The following C12orf54 variants were observed in gnomAD, a reference collection of about 807,000 sequenced individuals.
The protein encoded by C12orf54 is uncharacterized protein C12orf54.
Under a neutral mutation model 26.4 loss-of-function variants are expected in C12orf54, and 24 were observed. The observed-to-expected ratio is 0.91, with a 90% CI of 0.66 to 1.28. The LOEUF is 1.28. Among genes scored for constraint, C12orf54 ranks in the 50% most tolerant of loss-of-function variants. The probability of loss-of-function intolerance (pLI) is 0.00; values close to 1 mark genes in which losing one functional copy is unlikely to be tolerated. For synonymous variants in C12orf54, 54 were observed against 47.0 expected (o/e 1.15, Z -0.61); for missense variants, 154 against 150.9 (o/e 1.02, Z -0.11).
the C12orf54 span, chr12:48,473,565 G>T: frequency 3.2e-6 from 1 of 311,814 alleles, no homozygotes; most frequent in Non-Finnish European, 6.3e-6. Flanking sequence ...ACTGGGGGTT[G>T]TGAGGGAAGG....
At chr12:48,443,362 C>A in the C12orf54 span, among the ~76,000 whole-genome samples, 1 of 152,226 alleles carries the variant, frequency 6.6e-6, no homozygotes, top group South Asian at 2.1e-4. Flanking sequence ...TAGGTGGGAG[C>A]ATGTTTGCTT....
At chr12:48,490,338 A>G (rs1286480260) in intron 5 of C12orf54, among the ~76,000 whole-genome samples, 2 of 152,196 alleles carry the variant, frequency 1.3e-5, no homozygotes, top group African/African-American at 4.8e-5. Context: ...AACAATACAA[A>G]CTGTGCTTTT....
chr12:48,434,523 G>A, the C12orf54 span, among the ~76,000 whole-genome samples: 2 of 152,180 alleles, frequency 1.3e-5, no homozygotes, highest in Non-Finnish European at 2.9e-5. Context: ...AGTAGGAGGG[G>A]ACTGACACCT....
the C12orf54 span, among the ~76,000 whole-genome samples, chr12:48,477,079 A>G: frequency 6.6e-6 from 1 of 152,256 alleles, no homozygotes; most frequent in Non-Finnish European, 1.5e-5. Context: ...ACTAGAACTC[A>G]GGATTAAGAA....
chr12:48,464,188 G>T, the C12orf54 span, among the ~76,000 whole-genome samples: 1 of 151,850 alleles, frequency 6.6e-6, no homozygotes. Context: ...CTATAGTCTT[G>T]GCCCAAAAGC....
chr12:48,425,650 A>G, the C12orf54 span, among the ~76,000 whole-genome samples: 1 of 152,298 alleles, frequency 6.6e-6, no homozygotes, highest in East Asian at 1.9e-4. Flanking sequence ...AGGAATCACC[A>G]CACTGCTTAC....
the C12orf54 span, among the ~76,000 whole-genome samples, chr12:48,467,352 G>C: frequency 1.3e-5 from 2 of 152,202 alleles, no homozygotes; most frequent in Non-Finnish European, 1.5e-5. Context: ...CAACAGAACT[G>C]TGAGGGAATA....
At chr12:48,422,372 A>G in the C12orf54 span, among the ~76,000 whole-genome samples, 1 of 152,196 alleles carries the variant, frequency 6.6e-6, no homozygotes, top group African/African-American at 2.4e-5. Context: ...CTTAAGAACC[A>G]TTTCTTTCCA....
the C12orf54 span, among the ~76,000 whole-genome samples, chr12:48,422,305 C>T: frequency 6.6e-6 from 1 of 152,196 alleles, no homozygotes; most frequent in Non-Finnish European, 1.5e-5. Context: ...ATTGTAAAAA[C>T]ACCTGCTGGA....
chr12:48,414,443 G>A, the C12orf54 span, among the ~76,000 whole-genome samples: 1 of 152,338 alleles, frequency 6.6e-6, no homozygotes, highest in East Asian at 1.9e-4. Context: ...CATGTGTTTA[G>A]TTTTGGATAA....
intron 4 of C12orf54, among the ~76,000 whole-genome samples, chr12:48,487,414 T>C (rs1937675465): frequency 6.6e-6 from 1 of 152,224 alleles, no homozygotes; most frequent in Non-Finnish European, 1.5e-5. Flanking sequence ...CAGCCCCCAC[T>C]GTACAATATT....
the C12orf54 span, among the ~76,000 whole-genome samples, chr12:48,471,885 CA>C: frequency 6.6e-6 from 1 of 152,024 alleles, no homozygotes; most frequent in African/African-American, 2.4e-5. Flanking sequence ...TGATGGATGA[CA>C]TTGGTAATTT....
chr12:48,431,904 A>T, the C12orf54 span, among the ~76,000 whole-genome samples: 1 of 152,166 alleles, frequency 6.6e-6, no homozygotes, highest in Non-Finnish European at 1.5e-5. Context: ...ATGGGTGCAA[A>T]ACTCTGTAAA....
At chr12:48,459,000 C>CCTCACTTT in the C12orf54 span, among the ~76,000 whole-genome samples, 134,160 of 151,646 alleles carry the variant, frequency 0.88, 59,384 homozygotes, top group East Asian at 0.97. Flanking sequence ...CTTTTTTGAA[C>CCTCACTTT]CTCCTGTAAG....
the C12orf54 span, among the ~76,000 whole-genome samples, chr12:48,441,396 G>T: frequency 6.6e-6 from 1 of 152,144 alleles, no homozygotes; most frequent in East Asian, 1.9e-4. Context: ...CTGGGAGGCG[G>T]AGGTTGCAGT....
the C12orf54 span, among the ~76,000 whole-genome samples, chr12:48,430,181 G>T: frequency 6.6e-6 from 1 of 152,078 alleles, no homozygotes; most frequent in Non-Finnish European, 1.5e-5. Flanking sequence ...TTAAACCTAA[G>T]GCATGAAACT....
chr12:48,430,819 A>G, the C12orf54 span, among the ~76,000 whole-genome samples: 3 of 152,184 alleles, frequency 2.0e-5, no homozygotes, highest in Non-Finnish European at 4.4e-5. Flanking sequence ...AGGAAAATCA[A>G]TCATTACACA....
chr12:48,421,422 A>G, the C12orf54 span, among the ~76,000 whole-genome samples: 2 of 150,000 alleles, frequency 1.3e-5, no homozygotes, highest in Non-Finnish European at 3.0e-5. Context: ...GTTACCTCCC[A>G]CTAGGCCCTG....
chr12:48,480,649 C>T (rs544443260), upstream of C12orf54, among the ~76,000 whole-genome samples: 51 of 152,222 alleles, frequency 3.4e-4, no homozygotes, highest in Non-Finnish European at 6.2e-4. Flanking sequence ...CCAGTTTGAA[C>T]ATTTCTCAAA....
Sources: gnomAD v4.1 joint callset for allele counts (sites outside exome capture counted in the v4.1 genomes callset) on GRCh38, gnomAD v4.1.1 for gene constraint, MANE v1.5 for transcripts, NCBI Gene and HGNC (gene_info 2026-07-23, HGNC 2026-07-21) for gene names.